Variants in RIMKLB observed in about 807,000 individuals in gnomAD.
RIMKLB encodes the protein ribosomal modification protein rimK like family member B.
Under a neutral mutation model 32.0 loss-of-function variants are expected in RIMKLB, and 7 were observed. The ratio of observed to expected loss-of-function variants is 0.22; its 90% CI spans 0.12 to 0.41. The LOEUF is 0.41. Ranked by LOEUF, RIMKLB falls within the 10% of genes least tolerant of loss-of-function variation. The probability of loss-of-function intolerance (pLI) is 1.00; values close to 1 mark genes in which losing one functional copy is unlikely to be tolerated. For missense variants in RIMKLB, 289 were observed against 498.7 expected (o/e 0.58, Z 4.00); for synonymous variants, 172 against 185.1 (o/e 0.93, Z 0.57).
At chr12:8,709,035 A>G (rs1358202709) in intron 1 of RIMKLB, among the ~76,000 whole-genome samples, 1 of 152,240 alleles carries the variant, frequency 6.6e-6, no homozygotes, top group Non-Finnish European at 1.5e-5. Flanking sequence ...AAGAGAGGAA[A>G]TACTATACGG....
rs927754747 is a variant in RIMKLB, at chr12:8,776,222, C to A, written c.*2438C>A. ...TTATAGGAAATATGTGAAATTAGTT[C>A]ATTAGCTTTATTCACTATTATGCAT... is the stretch of plus-strand genomic sequence containing the variant. On this transcript the variant is annotated 3_prime_UTR_variant, in exon 6 of 6. Transcript: ENST00000535829. 8.6e-5 allele frequency: 84 copies of A among 979,784 alleles called. No homozygotes were observed. The highest frequency in any genetic ancestry group is 9.7e-5 in the Non-Finnish European group (80 of 824,976). 60.7% of individuals were successfully genotyped at this position (979,784 alleles called of 1,614,324 possible).
intron 2 of RIMKLB, among the ~76,000 whole-genome samples, chr12:8,723,835 A>G (rs1303330906): frequency 1.5e-4 from 16 of 108,178 alleles, no homozygotes; most frequent in Middle Eastern, 6.8e-3. Flanking sequence ...TTTTGGAGAC[A>G]GAGTCTTTCT....
At chr12:8,722,098 G>T (rs1273717862) in intron 2 of RIMKLB, among the ~76,000 whole-genome samples, 1 of 151,894 alleles carries the variant, frequency 6.6e-6, no homozygotes, top group African/African-American at 2.4e-5. Flanking sequence ...AACTTTTTCA[G>T]TTTACTTGCC....
At chr12:8,771,884 GTTTTGTTTTTGT>G (rs552143146) in intron 5 of RIMKLB, among the ~76,000 whole-genome samples, 1 of 151,732 alleles carries the variant, frequency 6.6e-6, no homozygotes, top group African/African-American at 2.4e-5. Flanking sequence ...TTTTTGTTTT[GTTTTGTTTTTGT>G]TTTTGTTTTT....
intron 2 of RIMKLB, among the ~76,000 whole-genome samples, chr12:8,723,889 AC>A (rs1265890537): frequency 1.5e-5 from 2 of 134,632 alleles, no homozygotes; most frequent in African/African-American, 5.7e-5. Context: ...GTCCTGGCTC[AC>A]TGCAACCTCT....
Position 8,774,966 on chromosome 12 carries a change from A to G in RIMKLB, c.*1182A>G. 1 of 985,752 alleles carries G rather than the reference A, an allele frequency of 1.0e-6. No homozygotes were observed. The highest frequency in any genetic ancestry group is 1.1e-4 in the East Asian group (1 of 8,820). 61.1% of individuals were successfully genotyped at this position (985,752 alleles called of 1,614,324 possible). ...AGGATAATTTAGAAAATGGAGCATG[A>G]TGGGAAACAGAGTTTTTGACTTTAA... On this transcript the variant is annotated 3_prime_UTR_variant, in exon 6 of 6. Transcript: ENST00000535829.
intron 2 of RIMKLB, among the ~76,000 whole-genome samples, chr12:8,729,964 G>A (rs1946390835): frequency 6.6e-6 from 1 of 152,124 alleles, no homozygotes; most frequent in African/African-American, 2.4e-5. Flanking sequence ...TGGACCTATT[G>A]GCTATTTGTA....
At chr12:8,682,141 T>G (rs890821299) in intron 1 of RIMKLB, among the ~76,000 whole-genome samples, 4 of 152,154 alleles carry the variant, frequency 2.6e-5, no homozygotes, top group African/African-American at 9.7e-5. Flanking sequence ...CAAGTGTATT[T>G]CTTACAATAC....
intron 1 of RIMKLB, among the ~76,000 whole-genome samples, chr12:8,698,939 C>G (rs1018679310): frequency 6.8e-6 from 1 of 146,928 alleles, no homozygotes. Context: ...AAATATTACA[C>G]TACTTGCCCC....
In RIMKLB at chr12:8,774,957, T is replaced by C. The variant is rs759251541; in HGVS notation, c.*1173T>C. The C allele has an allele frequency of 5.1e-5, 50 of 985,808 alleles. 1 individual carries two copies. The Admixed American group carries it at 2.0e-3, about 40-fold the overall frequency. 61.1% of individuals were successfully genotyped at this position (985,808 alleles called of 1,614,324 possible). Reference sequence around the variant, plus strand: ...TAATCAAAAAGGATAATTTAGAAAATGGAGCATGATGGGAAACAGAGTTTT... The same window carrying C: ...TAATCAAAAAGGATAATTTAGAAAACGGAGCATGATGGGAAACAGAGTTTT... On this transcript the variant is annotated 3_prime_UTR_variant, in exon 6 of 6. Coordinates refer to ENST00000535829, the MANE Select transcript of RIMKLB (RefSeq NM_001297776.2).
At chr12:8,753,780 AT>A (rs1188485746) in intron 4 of RIMKLB, 109 bp from the exon 5 acceptor site, 2 of 807,594 alleles carry the variant, frequency 2.5e-6, no homozygotes, top group Non-Finnish European at 4.0e-6. Context: ...TAAAAAAAAA[AT>A]GTAGTTGGTT....
At chr12:8,782,758 T>C (rs938735803) in intron 7 of RIMKLB, among the ~76,000 whole-genome samples, 7 of 152,184 alleles carry the variant, frequency 4.6e-5, no homozygotes, top group African/African-American at 1.2e-4. Flanking sequence ...AAAGTGATAA[T>C]AACACAAAAC....
At chr12:8,740,440 C>T (rs1947398028) in intron 2 of RIMKLB, among the ~76,000 whole-genome samples, 1 of 152,176 alleles carries the variant, frequency 6.6e-6, no homozygotes, top group Non-Finnish European at 1.5e-5. Flanking sequence ...GTGCACCCAT[C>T]ATCCAAGCAG....
chr12:8,741,580 C>T (rs1489556386), intron 2 of RIMKLB, among the ~76,000 whole-genome samples: 1 of 151,562 alleles, frequency 6.6e-6, no homozygotes, highest in Non-Finnish European at 1.5e-5. Flanking sequence ...GAGATCGAGA[C>T]CAGCCTGGCT....
At chr12:8,770,685 A>G (rs1047822007) in intron 5 of RIMKLB, among the ~76,000 whole-genome samples, 2 of 152,206 alleles carry the variant, frequency 1.3e-5, no homozygotes, top group African/African-American at 4.8e-5. Context: ...TTCAACAACA[A>G]TTCACATGGA....
chr12:8,732,988 A>G (rs1019604314), intron 2 of RIMKLB, among the ~76,000 whole-genome samples: 1 of 152,128 alleles, frequency 6.6e-6, no homozygotes, highest in African/African-American at 2.4e-5. Context: ...GCAACTTTGA[A>G]TAAGTCAGCT....
chr12:8,701,035 C>T (rs1048187635), intron 1 of RIMKLB, among the ~76,000 whole-genome samples: 2 of 151,870 alleles, frequency 1.3e-5, no homozygotes, highest in Non-Finnish European at 2.9e-5. Flanking sequence ...CACTGCACTC[C>T]AGCTTGGGCA....
chr12:8,746,294 A>G (rs2137629703), intron 2 of RIMKLB, among the ~76,000 whole-genome samples: 1 of 151,772 alleles, frequency 6.6e-6, no homozygotes, highest in South Asian at 2.1e-4. Flanking sequence ...TAGGCAAGTC[A>G]CTGCTAACGC....
chr12:8,700,882 A>G (rs1943331769), intron 1 of RIMKLB, among the ~76,000 whole-genome samples: 1 of 152,166 alleles, frequency 6.6e-6, no homozygotes, highest in South Asian at 2.1e-4. Flanking sequence ...CCTGGCCAAC[A>G]TGGCGAAACC....
Sources: gnomAD v4.1 joint callset for allele counts (sites outside exome capture counted in the v4.1 genomes callset) on GRCh38, gnomAD v4.1.1 for gene constraint, MANE v1.5 for transcripts, NCBI Gene and HGNC (gene_info 2026-07-23, HGNC 2026-07-21) for gene names.